Variants in FBXW4 observed in about 807,000 individuals in gnomAD.
FBXW4 encodes the protein F-box and WD repeat domain containing 4, also known as F-box/WD repeat-containing protein 4.
A neutral mutation model predicts 61.8 loss-of-function variants in FBXW4; 40 were observed. That is an observed-to-expected ratio of 0.65 (90% CI 0.50 to 0.84). The LOEUF (loss-of-function observed/expected upper bound fraction) is 0.84, where lower values mean the gene tolerates loss of function less well. Ranked by LOEUF, FBXW4 falls within the 40% of genes least tolerant of loss-of-function variation. The probability of loss-of-function intolerance (pLI) is 0.00; values close to 1 mark genes in which losing one functional copy is unlikely to be tolerated. For missense variants in FBXW4, 672 were observed against 753.8 expected, an observed-to-expected ratio of 0.89 and a Z score of 1.27; for synonymous variants, 311 against 313.8, an observed-to-expected ratio of 0.99 and a Z score of 0.10.
chr10:101,672,798 C>T (rs1438208261), intron 4 of FBXW4, 117 bp downstream of exon 4: 11 of 1,257,118 alleles, frequency 8.8e-6, no homozygotes, highest in East Asian at 7.4e-5. Flanking sequence ...TTTATTGTGT[C>T]GTTTTCTCCC....
chr10:101,647,988 T>C (rs1024236463), intron 5 of FBXW4, among the ~76,000 whole-genome samples: 2 of 152,148 alleles, frequency 1.3e-5, no homozygotes, highest in African/African-American at 4.8e-5. Flanking sequence ...GGGAGGGAGA[T>C]AAAAATGAGC....
rs887475110 is a variant in FBXW4 at position 101,615,180 on chromosome 10, T to G, written c.1302-2703A>C. Among the ~76,000 whole-genome samples, 29 of 152,236 alleles carry G rather than the reference T, an allele frequency of 1.9e-4. No individual in the cohort carries two copies. In the East Asian group the frequency reaches 1.9e-3, roughly 10 times the overall value. On this transcript the variant is annotated intron_variant, in intron 6 of 8. Coordinates refer to ENST00000331272, the MANE Select transcript of FBXW4 (RefSeq NM_022039.4). ...AAGAATGCTTCTCGGCCTCTCACTGTGGGGGGCGAGAGGGGGGTGCAGAGC... is the reference window on the plus strand; with the variant it reads ...AAGAATGCTTCTCGGCCTCTCACTGGGGGGGGCGAGAGGGGGGTGCAGAGC...
chr10:101,643,523 C>T (rs1453703131), intron 5 of FBXW4, among the ~76,000 whole-genome samples: 4 of 152,240 alleles, frequency 2.6e-5, no homozygotes, highest in South Asian at 2.1e-4. Flanking sequence ...GGCATATGCA[C>T]GCTTTGCATT....
Position 101,676,333 on chromosome 10 carries a change from C to A in FBXW4, c.821+8G>T. 2 of 1,611,850 alleles carry A rather than the reference C, an allele frequency of 1.2e-6. No homozygotes were observed. Among genetic ancestry groups the A allele is most frequent in the Non-Finnish European group, 1.7e-6 (2 of 1,178,666 alleles). On this transcript the variant is annotated splice_region_variant and intron_variant, in intron 2 of 8. Coordinates refer to ENST00000331272, the MANE Select transcript of FBXW4 (RefSeq NM_022039.4). ...AAGTAGCTTTTAAAAAGTCAAGAGGCTACTTGCCTGCATCTCCACTTCAGC... is the reference window on the plus strand; with the variant it reads ...AAGTAGCTTTTAAAAAGTCAAGAGGATACTTGCCTGCATCTCCACTTCAGC...
At chr10:101,694,000 C>T (rs1223386879) in intron 1 of FBXW4, among the ~76,000 whole-genome samples, 1 of 152,220 alleles carries the variant, frequency 6.6e-6, no homozygotes, top group Non-Finnish European at 1.5e-5. Context: ...AGTCCTAGAC[C>T]TGGACTCAAG....
chr10:101,615,796 C>T (rs1313209070), intron 6 of FBXW4, among the ~76,000 whole-genome samples: 2 of 152,196 alleles, frequency 1.3e-5, no homozygotes, highest in Non-Finnish European at 2.9e-5. Context: ...GGGACAGGCC[C>T]TGAGTGCTAA....
intron 6 of FBXW4, among the ~76,000 whole-genome samples, chr10:101,615,608 G>A (rs2063820869): frequency 6.6e-6 from 1 of 152,016 alleles, no homozygotes; most frequent in African/African-American, 2.4e-5. Flanking sequence ...GAGAGGTCAG[G>A]GCCCCCTGGC....
At chr10:101,641,636 A>AAAAC (rs1554928791) in intron 5 of FBXW4, among the ~76,000 whole-genome samples, 37 of 150,684 alleles carry the variant, frequency 2.5e-4, no homozygotes, top group Middle Eastern at 3.4e-3. Flanking sequence ...TTTCTCAAAA[A>AAAAC]AAAACAAAAC....
intron 6 of FBXW4, among the ~76,000 whole-genome samples, chr10:101,617,617 A>G (rs2063835801): frequency 6.6e-6 from 1 of 152,216 alleles, no homozygotes; most frequent in Non-Finnish European, 1.5e-5. Context: ...ACATGTGTTC[A>G]GACACAATGG....
rs2064381004 is a variant in FBXW4 at position 101,673,686 on chromosome 10, A to G, written c.822-13T>C. On this transcript the variant is annotated splice_polypyrimidine_tract_variant and intron_variant, in intron 2 of 8. Coordinates refer to ENST00000331272, the MANE Select transcript of FBXW4 (RefSeq NM_022039.4). ...CCAGGGCATCTGACTGAAATGATGG[A>G]AAAGAAAATTTAAAAGTCATCAAGA... 1 of 1,608,970 alleles carries G rather than the reference A, an allele frequency of 6.2e-7. No homozygotes were observed. Among genetic ancestry groups the G allele is most frequent in the South Asian group, 1.1e-5 (1 of 90,938 alleles).
At chr10:101,679,006 G>T (rs1344875157) in intron 1 of FBXW4, among the ~76,000 whole-genome samples, 1 of 152,178 alleles carries the variant, frequency 6.6e-6, no homozygotes, top group Non-Finnish European at 1.5e-5. Context: ...TAGTATGAAA[G>T]GTTAACAATG....
chr10:101,634,436 T>G (rs1243930077), intron 5 of FBXW4, among the ~76,000 whole-genome samples: 4 of 149,196 alleles, frequency 2.7e-5, no homozygotes, highest in African/African-American at 1.0e-4. Context: ...AAAATTCATC[T>G]AGAAGAGGAA....
chr10:101,634,749 G>A (rs2063986804), intron 5 of FBXW4, among the ~76,000 whole-genome samples: 1 of 148,704 alleles, frequency 6.7e-6, no homozygotes, highest in South Asian at 2.1e-4. Flanking sequence ...GGATTAAGGA[G>A]ATAAACATTT....
intron 5 of FBXW4, among the ~76,000 whole-genome samples, chr10:101,645,902 G>A (rs2064091909): frequency 6.6e-6 from 1 of 152,218 alleles, no homozygotes; most frequent in African/African-American, 2.4e-5. Context: ...TGTTGGCTAT[G>A]AGAGATGTGA....
At chr10:101,657,371 G>A (rs144478868) in intron 5 of FBXW4, among the ~76,000 whole-genome samples, 4 of 152,126 alleles carry the variant, frequency 2.6e-5, no homozygotes, top group African/African-American at 9.7e-5. Context: ...GGTGGCTCAT[G>A]CCTGTAATCC....
At chr10:101,631,697 G>A (rs376707565) in intron 5 of FBXW4, among the ~76,000 whole-genome samples, 7 of 150,770 alleles carry the variant, frequency 4.6e-5, no homozygotes, top group African/African-American at 9.8e-5. Flanking sequence ...GCGCAATCTC[G>A]GCTCACTGCA....
At chr10:101,662,752 C>T (rs1290783052) in intron 5 of FBXW4, among the ~76,000 whole-genome samples, 1 of 152,210 alleles carries the variant, frequency 6.6e-6, no homozygotes, top group African/African-American at 2.4e-5. Flanking sequence ...CTTCCCCTCC[C>T]AGGCAAACAG....
At chr10:101,631,570 T>C (rs2063956409) in intron 5 of FBXW4, among the ~76,000 whole-genome samples, 1 of 152,144 alleles carries the variant, frequency 6.6e-6, no homozygotes, top group South Asian at 2.1e-4. Flanking sequence ...TTTTCTTCAT[T>C]TTCCAAATAT....
intron 6 of FBXW4, among the ~76,000 whole-genome samples, chr10:101,620,577 G>C (rs547310822): frequency 2.0e-5 from 3 of 152,236 alleles, no homozygotes; most frequent in South Asian, 2.1e-4. Flanking sequence ...TGGCCAGAGC[G>C]GGCAGGGCTG....
Sources: gnomAD v4.1 joint callset for allele counts (sites outside exome capture counted in the v4.1 genomes callset) on GRCh38, gnomAD v4.1.1 for gene constraint, MANE v1.5 for transcripts, NCBI Gene and HGNC (gene_info 2026-07-23, HGNC 2026-07-21) for gene names.